The following SP3 variants were observed in gnomAD, a reference collection of about 807,000 sequenced individuals.
The protein encoded by SP3 is Sp3 transcription factor.
Under a neutral mutation model 70.3 loss-of-function variants are expected in SP3, and 10 were observed. The observed-to-expected ratio is 0.14, with a 90% confidence interval of 0.09 to 0.24. SP3 has a LOEUF of 0.24. SP3 is among the 10% of genes least tolerant of loss of function. The pLI is 1.00. For synonymous variants in SP3, 402 were observed against 333.5 expected (o/e 1.21, Z -2.24); for missense variants, 825 against 914.6 (o/e 0.90, Z 1.26).
intron 4 of SP3, among the ~76,000 whole-genome samples, chr2:173,931,961 A>C (rs1690079587): frequency 6.6e-6 from 1 of 152,184 alleles, no homozygotes; most frequent in African/African-American, 2.4e-5. Context: ...TTGCTTTCTT[A>C]TCACGTGTTC....
At chr2:173,921,404 G>T (rs1433501822) in intron 4 of SP3, among the ~76,000 whole-genome samples, 1 of 152,182 alleles carries the variant, frequency 6.6e-6, no homozygotes, top group Non-Finnish European at 1.5e-5. Context: ...AAAAGTTCAT[G>T]CTGACTGGGC....
chr2:173,960,506 C>T (rs1208462653), intron 3 of SP3, among the ~76,000 whole-genome samples: 1 of 152,198 alleles, frequency 6.6e-6, no homozygotes, highest in African/African-American at 2.4e-5. Flanking sequence ...TAGAATTACC[C>T]TACCCAATGA....
intron 2 of SP3, chr2:173,964,147 C>A: frequency 2.6e-6 from 1 of 378,978 alleles, no homozygotes; most frequent in South Asian, 9.0e-5. Context: ...GCCTTCCGCC[C>A]GGAACCCACC....
intron 5 of SP3, chr2:173,916,132 G>T (rs1278790407): frequency 3.3e-5 from 5 of 151,952 alleles, no homozygotes; most frequent in Admixed American, 6.6e-5. Flanking sequence ...CACATATACT[G>T]CTTGAATTTT....
chr2:173,919,173 CAAAT>C (rs548004051), intron 4 of SP3, among the ~76,000 whole-genome samples: 180 of 152,192 alleles, frequency 1.2e-3, no homozygotes, highest in African/African-American at 4.0e-3. Flanking sequence ...CTTTTATGTG[CAAAT>C]AATACATAAA....
Position 173,913,234 on chromosome 2 carries a change from A to G in SP3, c.1865T>C (p.Ile622Thr). 4 of 1,601,452 alleles carry G rather than the reference A, an allele frequency of 2.5e-6. No homozygotes were observed. Among genetic ancestry groups the G allele is most frequent in the Non-Finnish European group, 3.4e-6 (4 of 1,172,898 alleles). ...TTTACCACATCCTGGTATATGACAA[A>G]TGTGTTGCTTCTTTTTCCCAAGATT... ...GTNLGKKKQH[I>T]CHIPGCGKVY... The change falls in exon 6 of 7, where the codon ATT becomes ACT. Residue 622 changes from isoleucine (I) to threonine (T), a missense_variant. Around this residue, in one of 4 missense-constraint regions of SP3, gnomAD observed 37 missense variants for 66.2 expected, o/e 0.56. Coordinates refer to ENST00000310015, the MANE Select transcript of SP3 (RefSeq NM_003111.5).
At chr2:173,929,062 C>T (rs946042317) in intron 4 of SP3, among the ~76,000 whole-genome samples, 2 of 151,842 alleles carry the variant, frequency 1.3e-5, no homozygotes, top group Non-Finnish European at 2.9e-5. Flanking sequence ...ATGACAGTGC[C>T]TCAGGAGTCC....
intron 4 of SP3, among the ~76,000 whole-genome samples, chr2:173,931,504 C>T (rs951505906): frequency 5.9e-5 from 9 of 151,972 alleles, no homozygotes; most frequent in Non-Finnish European, 8.8e-5. Context: ...CCATCATGCC[C>T]GGCTAATTTT....
chr2:173,944,061 T>C (rs987132869), intron 4 of SP3, among the ~76,000 whole-genome samples: 1 of 152,230 alleles, frequency 6.6e-6, no homozygotes, highest in Non-Finnish European at 1.5e-5. Context: ...ACCACCATCA[T>C]ATATGTGGTT....
chr2:173,905,038 A>G lies in SP3; in HGVS notation c.*4903T>C, dbSNP rs1035242795. Among the ~76,000 whole-genome samples the G allele has an allele frequency of 5.3e-5, 8 of 152,214 alleles. No individual in the cohort carries two copies. Among genetic ancestry groups the G allele is most frequent in the African/African-American group, 1.9e-4 (8 of 41,452 alleles). The stretch of plus-strand genomic sequence containing the variant: ...GTGTAATTTCCTCAAGAAAATACAC[A>G]TTTAGGTGCTTCAGTCTTTTCTTCT... On this transcript the variant is annotated 3_prime_UTR_variant, in exon 7 of 7. Coordinates refer to ENST00000310015, the MANE Select transcript of SP3 (RefSeq NM_003111.5).
At chr2:173,914,128 G>A (rs994269558) in intron 5 of SP3, 1 of 151,514 alleles carries the variant, frequency 6.6e-6, no homozygotes, top group Non-Finnish European at 1.5e-5. Flanking sequence ...CATTTGAATA[G>A]TATTAAACAC....
chr2:173,926,876 TC>T (rs1269649657), intron 4 of SP3, among the ~76,000 whole-genome samples: 11 of 152,146 alleles, frequency 7.2e-5, no homozygotes, highest in African/African-American at 2.7e-4. Flanking sequence ...ATTAGTCCGT[TC>T]TCCCACTGCT....
At chr2:173,961,852 TACAC>T (rs901336132) in intron 3 of SP3, among the ~76,000 whole-genome samples, 13 of 151,100 alleles carry the variant, frequency 8.6e-5, no homozygotes, top group African/African-American at 2.7e-4. Flanking sequence ...CTAAGGCAAA[TACAC>T]ACAAGCCAGT....
At chr2:173,948,865 T>G (rs1014326856) in intron 4 of SP3, among the ~76,000 whole-genome samples, 1 of 152,118 alleles carries the variant, frequency 6.6e-6, no homozygotes, top group African/African-American at 2.4e-5. Context: ...ATTTCTAAAA[T>G]TTAAAGACCA....
At chr2:173,953,774 CA>C (rs1268365282) in intron 4 of SP3, among the ~76,000 whole-genome samples, 94 of 76,806 alleles carry the variant, frequency 1.2e-3, no homozygotes, top group Non-Finnish European at 1.8e-3. Context: ...TCTCAAAAAA[CA>C]AAACAAAACA....
rs1691165330 is a variant in SP3 at position 173,963,771 on chromosome 2, G to C, written c.269C>G (p.Ala90Gly). Reference protein sequence around the residue: ...EAAAAAGAPAAAGATGDLASA... With the variant: ...EAAAAAGAPAGAGATGDLASA... ...GCGCGCGGGACTTACCGCTCCGGCG[G>C]CGGCGGGGGCCCCGGCTGCGGCGGC... is the stretch of plus-strand genomic sequence containing the variant. Residue 90 changes from alanine (A) to glycine (G), a missense_variant, in exon 3 of 7, where the codon GCC becomes GGC. Physicochemically the swap from Ala to Gly is moderately conservative, Grantham distance 60 (BLOSUM62 0). Around this residue, in one of 4 missense-constraint regions of SP3, gnomAD observed 678 missense variants for 651.6 expected, o/e 1.04. Transcript: ENST00000310015. 7.6e-7 allele frequency: 1 copy of C among 1,307,224 alleles called. No homozygotes were observed. The highest frequency in any genetic ancestry group is 1.6e-5 in the South Asian group (1 of 62,516). 81.0% of individuals were successfully genotyped at this position (1,307,224 alleles called of 1,614,324 possible).
intron 6 of SP3, among the ~76,000 whole-genome samples, chr2:173,911,579 A>G (rs962076187): frequency 6.6e-6 from 1 of 152,184 alleles, no homozygotes; most frequent in Non-Finnish European, 1.5e-5. Context: ...ACTGCCTTGA[A>G]GGTACTTATA....
Position 173,905,523 on chromosome 2 carries a change from A to C in SP3, c.*4418T>G, listed in dbSNP as rs1461514832. 6.6e-6 allele frequency among the ~76,000 whole-genome samples: 1 copy of C among 152,224 alleles called. No individual in the cohort carries two copies. The highest frequency in any genetic ancestry group is 1.9e-4 in the East Asian group (1 of 5,200). ...AGGACTGAAGGAGATAGGCCTTCTC[A>C]GGATATCATTCTTAACATCAAAAAC... On this transcript the variant is annotated 3_prime_UTR_variant, in exon 7 of 7. Coordinates refer to ENST00000310015, the MANE Select transcript of SP3 (RefSeq NM_003111.5).
chr2:173,963,520 C>T (rs1004558557), intron 3 of SP3: 5 of 154,764 alleles, frequency 3.2e-5, no homozygotes, highest in African/African-American at 1.2e-4. Flanking sequence ...CCCCCGCCCT[C>T]TCAGACTTCA....
Sources: gnomAD v4.1 joint callset for allele counts (sites outside exome capture counted in the v4.1 genomes callset) on GRCh38, gnomAD v4.1.1 for gene constraint, gnomAD v4.1.1 regional missense constraint, MANE v1.5 for transcripts, NCBI Gene and HGNC (gene_info 2026-07-23, HGNC 2026-07-21) for gene names.